The following KIAA1328 variants were observed in gnomAD, a reference collection of about 807,000 sequenced individuals.
KIAA1328 encodes the protein KIAA1328.
In KIAA1328, 52 loss-of-function variants were observed where a neutral mutation model predicts 68.1. The observed-to-expected ratio is 0.76, with a 90% CI of 0.61 to 0.96. KIAA1328 has a LOEUF of 0.96. Ranked by LOEUF, KIAA1328 falls within the 40% of genes least tolerant of loss-of-function variation. KIAA1328 has a pLI of 0.00. For synonymous variants in KIAA1328, 232 were observed against 239.4 expected (o/e 0.97, Z 0.28); for missense variants, 641 against 677.6 (o/e 0.95, Z 0.60).
chr18:36,840,408 G>A (rs931872527), intron 3 of KIAA1328, among the ~76,000 whole-genome samples: 6 of 151,782 alleles, frequency 4.0e-5, no homozygotes, highest in African/African-American at 1.2e-4. Flanking sequence ...AACTAGAAAT[G>A]GTGGTTTGCT....
At position 37,202,485 on chromosome 18, in the gene KIAA1328, A is replaced by G. The variant is rs77570388; in HGVS notation, c.1524-19532A>G. On this transcript the variant is annotated intron_variant, in intron 9 of 9. Coordinates refer to ENST00000280020, the MANE Select transcript of KIAA1328 (RefSeq NM_020776.3). The stretch of plus-strand genomic sequence containing the variant: ...GTACTTGTCAGTGTCTTTTCCATGA[A>G]TTTCCTTGAAGAAAAAGCAAATTTT... 9.4e-3 allele frequency among the ~76,000 whole-genome samples: 1,425 copies of G among 152,300 alleles called. 25 individuals are homozygous for G. Among genetic ancestry groups the G allele is most frequent in the African/African-American group, 0.033 (1,376 of 41,572 alleles).
chr18:36,976,948 C>T (rs902262846), intron 6 of KIAA1328, among the ~76,000 whole-genome samples: 26 of 152,134 alleles, frequency 1.7e-4, no homozygotes, highest in Middle Eastern at 3.2e-3. Flanking sequence ...TCATTTCATA[C>T]GGAGTATTGA....
chr18:37,181,908 A>G (rs183579391), intron 9 of KIAA1328, among the ~76,000 whole-genome samples: 9 of 152,328 alleles, frequency 5.9e-5, no homozygotes, highest in African/African-American at 2.2e-4. Context: ...ACACATTTAT[A>G]GGGGACAAAC....
intron 5 of KIAA1328, among the ~76,000 whole-genome samples, chr18:36,956,353 T>C (rs1241827730): frequency 1.3e-5 from 2 of 152,354 alleles, no homozygotes; most frequent in East Asian, 3.9e-4. Flanking sequence ...GTGTACACTT[T>C]CCCTTAAGTT....
chr18:37,140,753 A>G (rs145238407), intron 7 of KIAA1328, among the ~76,000 whole-genome samples: 1 of 152,294 alleles, frequency 6.6e-6, no homozygotes, highest in Non-Finnish European at 1.5e-5. Flanking sequence ...GCTCCATCAG[A>G]TGCTAAATAA....
chr18:36,850,044 G>C (rs1412048199), intron 4 of KIAA1328, among the ~76,000 whole-genome samples: 1 of 151,752 alleles, frequency 6.6e-6, no homozygotes, highest in African/African-American at 2.4e-5. Flanking sequence ...AATAAAATTG[G>C]GGTGTTTTTC....
intron 7 of KIAA1328, among the ~76,000 whole-genome samples, chr18:37,102,024 A>G (rs1487156209): frequency 2.0e-5 from 3 of 152,222 alleles, no homozygotes; most frequent in Admixed American, 1.3e-4. Context: ...AGTATTACTG[A>G]TACCAAAACC....
In KIAA1328 at chr18:36,861,355, G is replaced by A. The variant is rs2047560314; in HGVS notation, c.332+17053G>A. Among the ~76,000 whole-genome samples the A allele has an allele frequency of 3.3e-5, 5 of 152,066 alleles. No individual in the cohort carries two copies. The South Asian group carries it at 1.0e-3, about 31-fold the overall frequency. On this transcript the variant is annotated intron_variant, in intron 4 of 9. Coordinates refer to ENST00000280020, the MANE Select transcript of KIAA1328 (RefSeq NM_020776.3). ...TTGTCAGTTGGCCAGTGTATAGTGT[G>A]CTAGGTTTCTCCCCTGAAAAGTTAT... is the stretch of plus-strand genomic sequence containing the variant.
At chr18:37,075,448 C>A (rs1434180967) in intron 7 of KIAA1328, 1 of 152,144 alleles carries the variant, frequency 6.6e-6, no homozygotes, top group Non-Finnish European at 1.5e-5. Context: ...AACCAGCTAA[C>A]ATCATAATGA....
rs2047938013 is a variant in KIAA1328, at chr18:36,871,353, T to G, written c.333-14204T>G. Among the ~76,000 whole-genome samples, 3 of 152,168 alleles carry G rather than the reference T, an allele frequency of 2.0e-5. No individual in the cohort carries two copies. The South Asian group carries it at 6.2e-4, about 31-fold the overall frequency. On this transcript the variant is annotated intron_variant, in intron 4 of 9. Transcript: ENST00000280020. ...TGGCAAGAAAACAACAGAAGTGATG[T>G]GTCTTTTCAATAGGTCATATCAGGG...
At chr18:37,015,695 T>A (rs1367886915) in intron 6 of KIAA1328, among the ~76,000 whole-genome samples, 1 of 152,224 alleles carries the variant, frequency 6.6e-6, no homozygotes, top group Non-Finnish European at 1.5e-5. Context: ...TTTGTAGTTC[T>A]CCTTGTAGAA....
intron 5 of KIAA1328, among the ~76,000 whole-genome samples, chr18:36,936,391 CTG>C (rs1476972195): frequency 1.3e-5 from 2 of 152,096 alleles, no homozygotes; most frequent in African/African-American, 2.4e-5. Context: ...TTTTCTGTTC[CTG>C]TGTTAGTTTG....
intron 6 of KIAA1328, among the ~76,000 whole-genome samples, chr18:37,011,752 A>G (rs2053987243): frequency 6.6e-6 from 1 of 152,204 alleles, no homozygotes; most frequent in Non-Finnish European, 1.5e-5. Context: ...TTTTTATGAC[A>G]TCCCAGAAAA....
intron 6 of KIAA1328, among the ~76,000 whole-genome samples, chr18:37,031,457 C>T (rs1171042004): frequency 6.6e-6 from 1 of 152,096 alleles, no homozygotes; most frequent in Non-Finnish European, 1.5e-5. Flanking sequence ...TTGAAATATA[C>T]CTAATATGTT....
intron 6 of KIAA1328, among the ~76,000 whole-genome samples, chr18:37,054,106 A>G (rs1164008603): frequency 6.6e-6 from 1 of 152,212 alleles, no homozygotes; most frequent in African/African-American, 2.4e-5. Context: ...ACAATGAGAT[A>G]CCATCTTACA....
intron 4 of KIAA1328, among the ~76,000 whole-genome samples, chr18:36,854,271 C>T (rs1203931099): frequency 1.3e-5 from 2 of 152,156 alleles, no homozygotes; most frequent in African/African-American, 4.8e-5. Flanking sequence ...TTCTAGCCTC[C>T]AGAAATAGGA....
chr18:37,116,060 A>C (rs558114178), intron 7 of KIAA1328, among the ~76,000 whole-genome samples: 3 of 152,334 alleles, frequency 2.0e-5, no homozygotes, highest in Admixed American at 2.0e-4. Context: ...AGGAAAAATC[A>C]ATATCATGAA....
At chr18:37,052,466 A>G (rs2055737595) in intron 6 of KIAA1328, among the ~76,000 whole-genome samples, 2 of 152,208 alleles carry the variant, frequency 1.3e-5, no homozygotes, top group Admixed American at 6.5e-5. Context: ...TTCCTGTTCA[A>G]CGTAGTACTG....
chr18:36,846,578 A>G (rs1307193273), intron 4 of KIAA1328, among the ~76,000 whole-genome samples: 1 of 151,494 alleles, frequency 6.6e-6, no homozygotes, highest in Non-Finnish European at 1.5e-5. Flanking sequence ...TACAGCATTT[A>G]TGTTACTCCA....
Sources: gnomAD v4.1 joint callset for allele counts (sites outside exome capture counted in the v4.1 genomes callset) on GRCh38, gnomAD v4.1.1 for gene constraint, MANE v1.5 for transcripts, NCBI Gene and HGNC (gene_info 2026-07-23, HGNC 2026-07-21) for gene names.